Variants in CDC16 observed in about 807,000 individuals in gnomAD.
CDC16 encodes cell division cycle protein 16 homolog.
CDC16 carries 34 observed loss-of-function variants against 87.0 expected under a neutral mutation model. That is an observed-to-expected ratio of 0.39 (90% confidence interval 0.30 to 0.52). CDC16 has a LOEUF of 0.52. CDC16 is among the 20% of genes least tolerant of loss of function. CDC16 has a pLI of 0.74. For missense variants in CDC16, 653 were observed against 751.9 expected (o/e 0.87, Z 1.54); for synonymous variants, 263 against 260.6 (o/e 1.01, Z -0.09).
rs748667165 is a variant in CDC16, at chr13:114,250,519, A to G, written c.972-30A>G. 1.9e-6 allele frequency: 3 copies of G among 1,594,126 alleles called. No homozygotes were observed. The Admixed American group carries it at 5.2e-5, about 27-fold the overall frequency. On this transcript the variant is annotated intron_variant, in intron 11 of 17. Coordinates refer to ENST00000356221, the MANE Select transcript of CDC16 (RefSeq NM_001078645.3). ...AAAAAAAAAAAAAAGAATAAATACT[A>G]TATGACTTAAATTAACTCTTTTGTT... is the stretch of plus-strand genomic sequence containing the variant.
Position 114,259,360 on chromosome 13 carries a change from C to A in CDC16, c.1276C>A (p.Leu426Ile). 1.3e-6 allele frequency: 2 copies of A among 1,573,696 alleles called. No individual in the cohort carries two copies. The highest frequency in any genetic ancestry group is 2.4e-5 in the South Asian group (2 of 83,150). ...GEWKTAEKWF[L>I]DALEKIKAIG... ...ATGGAAAACAGCCGAAAAATGGTTT[C>A]TTGATGCTTTGGAAAAAATTAAAGC... The change falls in exon 14 of 18, where the codon CTT (leucine) becomes ATT (isoleucine). Residue 426 changes from leucine (L) to isoleucine (I), a missense_variant. Coordinates refer to ENST00000356221, the MANE Select transcript of CDC16 (RefSeq NM_001078645.3).
chr13:114,256,329 T>C (rs1232597579), intron 12 of CDC16, among the ~76,000 whole-genome samples: 2 of 152,350 alleles, frequency 1.3e-5, no homozygotes, highest in Non-Finnish European at 2.9e-5. Flanking sequence ...TAAATATTTT[T>C]AAAGAATTTG....
intron 14 of CDC16, 45 bp downstream of exon 14, chr13:114,259,443 G>T: frequency 9.4e-7 from 1 of 1,063,112 alleles, no homozygotes; most frequent in African/African-American, 1.7e-5. Context: ...ACACCCCTGA[G>T]TGTTTACTGT....
intron 6 of CDC16, 31 bp from the exon 7 acceptor site, chr13:114,243,226 G>A: frequency 1.1e-6 from 1 of 950,242 alleles, no homozygotes; most frequent in Non-Finnish European, 1.7e-6. Context: ...AATATTATGA[G>A]GATATTCTTT....
chr13:114,248,680 C>CA (rs1225064670), intron 11 of CDC16, among the ~76,000 whole-genome samples: 1 of 131,162 alleles, frequency 7.6e-6, no homozygotes, highest in African/African-American at 2.9e-5. Context: ...GACTCTGTCT[C>CA]AAAAAAAATA....
Position 114,272,526 on chromosome 13 carries a change from CT to C in CDC16, c.*85del. 1.6e-6 allele frequency: 2 copies of C among 1,236,776 alleles called. No homozygotes were observed. Among genetic ancestry groups the C allele is most frequent in the Non-Finnish European group, 2.3e-6 (2 of 882,092 alleles). The allele number at this position is 1,236,776 out of a possible 1,614,324, so 76.6% of individuals were successfully genotyped here. A position where few individuals can be genotyped will look rare whatever the true frequency, so the allele number is the denominator to read the frequency against. On this transcript the variant is annotated 3_prime_UTR_variant, in exon 18 of 18. Coordinates refer to ENST00000356221, the MANE Select transcript of CDC16 (RefSeq NM_001078645.3). ...CTCTCCATGGCTTAAGAATGTCCCA[CT>C]TCCTAACGTGACTCCAAACTGCATC...
At chr13:114,263,497 C>G (rs1333678596) in intron 16 of CDC16, among the ~76,000 whole-genome samples, 1 of 152,176 alleles carries the variant, frequency 6.6e-6, no homozygotes, top group Non-Finnish European at 1.5e-5. Flanking sequence ...TAAACTTTAA[C>G]ATAATTTTTT....
intron 16 of CDC16, among the ~76,000 whole-genome samples, chr13:114,263,881 C>T (rs888342852): frequency 1.3e-5 from 2 of 152,204 alleles, no homozygotes; most frequent in African/African-American, 4.8e-5. Context: ...CAAGTTCACG[C>T]TTCTCAGGCA....
At position 114,258,927 on chromosome 13, in the gene CDC16, A is replaced by G. The variant is rs1412543422; in HGVS notation, c.1251-408A>G. Among the ~76,000 whole-genome samples, 12 of 152,106 alleles carry G rather than the reference A, an allele frequency of 7.9e-5. No individual in the cohort carries two copies. In the East Asian group the frequency reaches 2.3e-3, roughly 29 times the overall value. The stretch of plus-strand genomic sequence containing the variant: ...AGCATGTGCAACATGGCGAAACCCC[A>G]TCTCTACTAAAAATACAGAAATTAG... On this transcript the variant is annotated intron_variant, in intron 13 of 17. Transcript: ENST00000356221.
At chr13:114,248,020 T>C (rs181203835) in intron 11 of CDC16, among the ~76,000 whole-genome samples, 12 of 152,350 alleles carry the variant, frequency 7.9e-5, no homozygotes, top group African/African-American at 2.9e-4. Flanking sequence ...GTTGTGAAAT[T>C]ACACAAAACT....
chr13:114,242,170 A>G lies in CDC16; in HGVS notation c.431A>G (p.Asp144Gly), dbSNP rs556863264. 2.5e-6 allele frequency: 4 copies of G among 1,613,886 alleles called. No individual in the cohort carries two copies. The highest frequency in any genetic ancestry group is 2.7e-5 in the African/African-American group (2 of 75,040). The change falls in exon 6 of 18, where the codon GAT (aspartate) becomes GGT (glycine). Residue 144 changes from aspartate (D) to glycine (G), a missense_variant. Transcript: ENST00000356221. The stretch of plus-strand genomic sequence containing the variant: ...CGCGGGAAAATCTATGATGCTCTAG[A>G]TAACCGAACCCTGGCTACCTACAGC... ...LLRGKIYDALDNRTLATYSYK... is the reference protein window; with the variant it reads ...LLRGKIYDALGNRTLATYSYK...
intron 14 of CDC16, among the ~76,000 whole-genome samples, chr13:114,259,906 G>C (rs762005517): frequency 6.6e-6 from 1 of 152,124 alleles, no homozygotes. Flanking sequence ...ATATTTGACT[G>C]CTTCTGTTGT....
chr13:114,241,362 A>G (rs2081541093), intron 5 of CDC16, among the ~76,000 whole-genome samples: 1 of 152,248 alleles, frequency 6.6e-6, no homozygotes, highest in South Asian at 2.1e-4. Flanking sequence ...GTTTGAACTC[A>G]GGTCTGTGCT....
chr13:114,257,473 A>G (rs993526487), intron 13 of CDC16, among the ~76,000 whole-genome samples: 1 of 152,174 alleles, frequency 6.6e-6, no homozygotes, highest in East Asian at 1.9e-4. Context: ...ACATGATTGG[A>G]CAGTTCAGAT....
chr13:114,243,305 A>G lies in CDC16; in HGVS notation c.590A>G (p.Glu197Gly). The change falls in exon 7 of 18, where the codon GAA becomes GGA. Residue 197 changes from glutamate to glycine, a missense_variant. Glu to Gly is a moderately conservative substitution (Grantham distance 98). Transcript: ENST00000356221. Reference protein sequence around the residue: ...SLPLSKLCNEEQELLRFLFEN... With the variant: ...SLPLSKLCNEGQELLRFLFEN... ...CCCCTTAGCAAGCTGTGTAATGAAG[A>G]ACAGGAATTGCTGCGTTTTCTATTT... 6.3e-7 allele frequency: 1 copy of G among 1,595,182 alleles called. No homozygotes were observed. The highest frequency in any genetic ancestry group is 1.3e-5 in the African/African-American group (1 of 74,702).
intron 17 of CDC16, among the ~76,000 whole-genome samples, chr13:114,268,544 G>A (rs1288897136): frequency 2.6e-5 from 4 of 152,196 alleles, no homozygotes; most frequent in African/African-American, 4.8e-5. Flanking sequence ...AGAGGCTGAA[G>A]TGAAGTTACA....
chr13:114,248,886 C>T (rs2082006850), intron 11 of CDC16, among the ~76,000 whole-genome samples: 1 of 152,004 alleles, frequency 6.6e-6, no homozygotes, highest in Non-Finnish European at 1.5e-5. Context: ...CTGCTTTGAT[C>T]TAGCGTGCAA....
intron 11 of CDC16, among the ~76,000 whole-genome samples, chr13:114,248,567 G>A (rs1259804488): frequency 6.6e-6 from 1 of 152,142 alleles, no homozygotes; most frequent in Non-Finnish European, 1.5e-5. Context: ...TGTAATCCCC[G>A]CTACTTGGGA....
chr13:114,245,816 C>A, intron 9 of CDC16, 184 bp from the exon 10 acceptor site: 1 of 540,780 alleles, frequency 1.8e-6, no homozygotes, highest in South Asian at 2.2e-5. Context: ...TCCCACCTTG[C>A]CCACAGTGTG....
Sources: allele counts gnomAD v4.1 joint callset (sites outside exome capture counted in the v4.1 genomes callset), GRCh38; gene constraint gnomAD v4.1.1; transcripts MANE v1.5; gene names NCBI Gene and HGNC (gene_info 2026-07-23, HGNC 2026-07-21).